Variants in TG observed in about 807,000 individuals in gnomAD.
TG encodes the protein thyroid hormones.
Under a neutral mutation model 324.7 loss-of-function variants are expected in TG, and 270 were observed. That is an observed-to-expected ratio of 0.83 (90% CI 0.75 to 0.92). The LOEUF (loss-of-function observed/expected upper bound fraction) is 0.92. Among genes scored for constraint, TG ranks in the 40% least tolerant of loss-of-function variants. TG has a pLI of 0.00. For missense variants in TG, 3,591 were observed against 3,456.4 expected (o/e 1.04, Z -0.98); for synonymous variants, 1,401 against 1,327.0 (o/e 1.06, Z -1.21).
chr8:132,897,718 C>T lies in TG; in HGVS notation c.3071C>T (p.Ser1024Leu), dbSNP rs962077113. ...GCTGGAGCATCCGCCCTTCTGCGGT[C>T]GGGCCCCTACATGCCACAGTGTGAT... is the stretch of plus-strand genomic sequence containing the variant. ...DSAGASALLRSGPYMPQCDAF... is the reference protein window; with the variant it reads ...DSAGASALLRLGPYMPQCDAF... The change falls in exon 12 of 48, where the codon TCG becomes TTG. Residue 1024 changes from serine (S) to leucine (L), a missense_variant. Coordinates refer to ENST00000220616, the MANE Select transcript of TG (RefSeq NM_003235.5). The T allele has an allele frequency of 2.8e-5, 45 of 1,614,098 alleles. No individual in the cohort carries two copies. The highest frequency in any genetic ancestry group is 3.6e-5 in the Non-Finnish European group (42 of 1,180,042).
chr8:132,965,604 T>G (rs1396606824), intron 29 of TG, among the ~76,000 whole-genome samples: 1 of 152,200 alleles, frequency 6.6e-6, no homozygotes, highest in African/African-American at 2.4e-5. Context: ...TACAGAGCTA[T>G]CCCCACTGGG....
chr8:133,021,188 T>C (rs1835528904), intron 39 of TG, among the ~76,000 whole-genome samples: 1 of 152,220 alleles, frequency 6.6e-6, no homozygotes, highest in Non-Finnish European at 1.5e-5. Context: ...ATCTGCCAAC[T>C]TCACAGAACT....
chr8:132,995,809 T>C (rs1055319773), intron 35 of TG, among the ~76,000 whole-genome samples: 2 of 152,212 alleles, frequency 1.3e-5, no homozygotes, highest in African/African-American at 2.4e-5. Flanking sequence ...AGAAGGAATA[T>C]AGATCCAAGT....
At chr8:133,044,807 T>C (rs1838999725) in intron 41 of TG, among the ~76,000 whole-genome samples, 3 of 152,242 alleles carry the variant, frequency 2.0e-5, no homozygotes. Context: ...TAAGGCAACA[T>C]GCACAGGCAG....
At chr8:133,072,174 TG>T (rs1408932192) in intron 41 of TG, among the ~76,000 whole-genome samples, 1 of 152,208 alleles carries the variant, frequency 6.6e-6, no homozygotes, top group African/African-American at 2.4e-5. Context: ...GCAGTCTGCC[TG>T]GTGCTAAGGA....
At position 132,886,892 on chromosome 8, in the gene TG, C is replaced by T; in HGVS notation, c.1520C>T (p.Ala507Val). 6.2e-7 allele frequency: 1 copy of T among 1,614,194 alleles called. No homozygotes were observed. Among genetic ancestry groups the T allele is most frequent in the Non-Finnish European group, 8.5e-7 (1 of 1,180,042 alleles). Reference sequence around the variant, plus strand: ...CAATTTTTCCAGCAACTTGGTCTTGCAAGCTTCTTGAATGGAGGGAGACAA... The same window carrying T: ...CAATTTTTCCAGCAACTTGGTCTTGTAAGCTTCTTGAATGGAGGGAGACAA... ...FSQFFQQLGLASFLNGGRQED... is the reference protein window; with the variant it reads ...FSQFFQQLGLVSFLNGGRQED... The change falls in exon 9 of 48, where the codon GCA (alanine) becomes GTA (valine). Residue 507 changes from alanine to valine, a missense_variant. Transcript: ENST00000220616.
intron 41 of TG, among the ~76,000 whole-genome samples, chr8:133,092,699 T>C (rs1050814862): frequency 7.2e-5 from 11 of 152,164 alleles, no homozygotes; most frequent in Non-Finnish European, 1.6e-4. Flanking sequence ...ACCGAGCCCT[T>C]CTGCCCCAAT....
At chr8:133,064,676 G>A (rs981064988) in intron 41 of TG, among the ~76,000 whole-genome samples, 3 of 152,234 alleles carry the variant, frequency 2.0e-5, no homozygotes, top group Non-Finnish European at 4.4e-5. Flanking sequence ...TCGACAACGT[G>A]GGATATGCCG....
intron 27 of TG, among the ~76,000 whole-genome samples, chr8:132,955,672 A>G (rs1344487161): frequency 6.6e-6 from 1 of 152,182 alleles, no homozygotes. Flanking sequence ...TGGGATAAAG[A>G]GTTGATGTAT....
chr8:133,026,219 C>T (rs1360494187), intron 40 of TG, among the ~76,000 whole-genome samples: 1 of 152,222 alleles, frequency 6.6e-6, no homozygotes, highest in Non-Finnish European at 1.5e-5. Context: ...ATATGTGCAG[C>T]ATCTGCTGCT....
intron 18 of TG, among the ~76,000 whole-genome samples, chr8:132,910,850 C>G (rs890694715): frequency 2.0e-5 from 3 of 152,158 alleles, no homozygotes; most frequent in Non-Finnish European, 4.4e-5. Flanking sequence ...AACCCTGGAC[C>G]AAAGCCTGGC....
At chr8:132,880,074 G>C (rs1814437575) in intron 5 of TG, among the ~76,000 whole-genome samples, 3 of 152,168 alleles carry the variant, frequency 2.0e-5, no homozygotes, top group Admixed American at 2.0e-4. Context: ...TGGGCATATG[G>C]AGCAGTGTCA....
At chr8:133,116,760 T>C (rs1850727897) in intron 45 of TG, 44 bp downstream of exon 45, 6 of 1,535,402 alleles carry the variant, frequency 3.9e-6, no homozygotes, top group Non-Finnish European at 5.4e-6. Flanking sequence ...TAAAACCGAA[T>C]GATAAGTCCC....
chr8:132,967,853 T>C lies in TG; in HGVS notation c.5746T>C (p.Tyr1916His). ...LAEITESASL[Y>H]FTCTLYPEAQ... The stretch of plus-strand genomic sequence containing the variant: ...AGAGATAACAGAGAGTGCATCCTTG[T>C]ACTTCACCTGCACCCTCTACCCAGA... The change falls in exon 31 of 48, where the codon TAC (tyrosine) becomes CAC (histidine). Residue 1916 changes from tyrosine to histidine, a missense_variant. Physicochemically the swap from Tyr to His is moderately conservative, Grantham distance 83. Coordinates refer to ENST00000220616, the MANE Select transcript of TG (RefSeq NM_003235.5). 1 of 1,614,018 alleles carries C rather than the reference T, an allele frequency of 6.2e-7. No individual in the cohort carries two copies. The highest frequency in any genetic ancestry group is 8.5e-7 in the Non-Finnish European group (1 of 1,179,942).
intron 41 of TG, among the ~76,000 whole-genome samples, chr8:133,030,304 A>G (rs909985787): frequency 1.1e-4 from 17 of 152,210 alleles, no homozygotes; most frequent in Admixed American, 2.6e-4. Context: ...GATCTGAACC[A>G]TCAATTATCT....
At position 133,029,970 on chromosome 8, in the gene TG, C is replaced by A. The variant is rs1836468286; in HGVS notation, c.7186C>A (p.Leu2396Ile). ...CGGGGCTGATGTGGCCAGCATCCAC[C>A]TTCTCACGGCCAGGGCCACCAACTC... ...RGGADVASIH[L>I]LTARATNSQL... is the part of the protein sequence containing the mutation. The change falls in exon 41 of 48, where the codon CTT becomes ATT. Residue 2396 changes from leucine (L) to isoleucine (I), a missense_variant. Coordinates refer to ENST00000220616, the MANE Select transcript of TG (RefSeq NM_003235.5). The A allele has an allele frequency of 1.2e-6, 2 of 1,614,248 alleles. No individual in the cohort carries two copies. The highest frequency in any genetic ancestry group is 1.7e-6 in the Non-Finnish European group (2 of 1,180,050).
intron 32 of TG, among the ~76,000 whole-genome samples, chr8:132,971,059 C>A (rs556539828): frequency 6.6e-6 from 1 of 152,098 alleles, no homozygotes; most frequent in Admixed American, 6.5e-5. Flanking sequence ...TCAGGAGTCA[C>A]GAATGAGTGG....
intron 2 of TG, among the ~76,000 whole-genome samples, chr8:132,868,718 T>G (rs1371898360): frequency 6.6e-6 from 1 of 152,092 alleles, no homozygotes; most frequent in Non-Finnish European, 1.5e-5. Context: ...TGGGTCGCTG[T>G]CTCCACATTG....
At chr8:133,094,646 GC>G (rs1292200418) in intron 41 of TG, 7 of 303,488 alleles carry the variant, frequency 2.3e-5, no homozygotes, top group Non-Finnish European at 3.9e-5. Flanking sequence ...TAGTTAAGGA[GC>G]CCCCCAGGAG....
Sources: allele counts gnomAD v4.1 joint callset (sites outside exome capture counted in the v4.1 genomes callset), GRCh38; gene constraint gnomAD v4.1.1; transcripts MANE v1.5; gene names NCBI Gene and HGNC (gene_info 2026-07-23, HGNC 2026-07-21).